The following ZNF391 variants were observed in gnomAD, a reference collection of about 807,000 sequenced individuals.
The protein encoded by ZNF391 is zinc finger protein 391.
For missense variants in ZNF391, 375 were observed against 425.5 expected (o/e 0.88, Z 1.04); for synonymous variants, 126 against 142.1 (o/e 0.89, Z 0.80).
chr6:27,381,240 A>G (rs889615355), intron 1 of ZNF391, among the ~76,000 whole-genome samples: 2 of 152,226 alleles, frequency 1.3e-5, no homozygotes, highest in Non-Finnish European at 2.9e-5. Flanking sequence ...CCCGGCGAGA[A>G]ATCGAGCGCA....
chr6:27,383,068 C>T (rs4713090), intron 1 of ZNF391, among the ~76,000 whole-genome samples: 107,006 of 151,694 alleles, frequency 0.71, 37,974 homozygotes, highest in Middle Eastern at 0.8. Flanking sequence ...TGCACCGAGC[C>T]GAGATTGTGC....
At position 27,401,251 on chromosome 6, in the gene ZNF391, A is replaced by G; in HGVS notation, c.881A>G (p.Glu294Gly). 6.2e-7 allele frequency: 1 copy of G among 1,614,158 alleles called. No individual in the cohort carries two copies. Residue 294 changes from glutamate (E) to glycine (G), a missense_variant, in exon 3 of 3, where the codon GAA (glutamate) becomes GGA (glycine). Transcript: ENST00000244576. ...KVFSRSSSLT[E>G]HQRIHSGEKP... ...TTCAGTCGAAGCTCGTCTCTTACAG[A>G]ACATCAGAGAATCCACAGTGGAGAA...
chr6:27,381,518 G>A (rs1026719621), intron 1 of ZNF391, among the ~76,000 whole-genome samples: 1 of 152,234 alleles, frequency 6.6e-6, no homozygotes, highest in Non-Finnish European at 1.5e-5. Flanking sequence ...GTGCAGCGGC[G>A]GGCTGAAGGG....
At chr6:27,387,682 A>G (rs1183000487), upstream of ZNF391, among the ~76,000 whole-genome samples, 1 of 152,198 alleles carries the variant, frequency 6.6e-6, no homozygotes, top group Non-Finnish European at 1.5e-5. Context: ...TATCTAGAAC[A>G]GGCAAATTCA....
At chr6:27,377,749 A>G (rs554799172) in intron 1 of ZNF391, among the ~76,000 whole-genome samples, 9 of 152,248 alleles carry the variant, frequency 5.9e-5, no homozygotes, top group East Asian at 1.9e-4. Context: ...CCACTGGCAC[A>G]TCCTCAACCT....
Position 27,402,459 on chromosome 6 carries a change from A to C in ZNF391, c.*1012A>C. 6.6e-6 allele frequency: 1 copy of C among 151,860 alleles called. No homozygotes were observed. Among genetic ancestry groups the C allele is most frequent in the African/African-American group, 2.4e-5 (1 of 41,320 alleles). The allele number at this position is 151,860 out of a possible 1,614,324, so 9.4% of individuals were successfully genotyped here. A position where few individuals can be genotyped will look rare whatever the true frequency, so the allele number is the denominator to read the frequency against. On this transcript the variant is annotated 3_prime_UTR_variant, in exon 3 of 3. Coordinates refer to ENST00000244576, the MANE Select transcript of ZNF391 (RefSeq NM_001076781.3). ...TTCTGTGCTGATCTACACTTTTCCTACCTCTCAGCATTTCTTTGATTGTCA... is the reference window on the plus strand; with the variant it reads ...TTCTGTGCTGATCTACACTTTTCCTCCCTCTCAGCATTTCTTTGATTGTCA...
At position 27,401,944 on chromosome 6, in the gene ZNF391, G is replaced by T. The variant is rs1761980872; in HGVS notation, c.*497G>T. On this transcript the variant is annotated 3_prime_UTR_variant, in exon 3 of 3. Transcript: ENST00000244576. ...TGCTGGCTCTAGTACCAGAAGAGAGGGATCTGGCTTCAGAGCAGGACTGAA... is the reference window on the plus strand; with the variant it reads ...TGCTGGCTCTAGTACCAGAAGAGAGTGATCTGGCTTCAGAGCAGGACTGAA... 1 of 153,148 alleles carries T rather than the reference G, an allele frequency of 6.5e-6. No individual in the cohort carries two copies. The highest frequency in any genetic ancestry group is 2.4e-5 in the African/African-American group (1 of 41,434). 9.5% of individuals were successfully genotyped at this position (153,148 alleles called of 1,614,324 possible).
intron 1 of ZNF391, among the ~76,000 whole-genome samples, chr6:27,397,755 A>G (rs1963145): frequency 0.71 from 107,964 of 151,642 alleles, 38,613 homozygotes; most frequent in Middle Eastern, 0.82. Flanking sequence ...TCACCCCCCC[A>G]AGTAGCTGGG....
chr6:27,375,892 CG>C (rs980987085), intron 1 of ZNF391, among the ~76,000 whole-genome samples: 5 of 152,070 alleles, frequency 3.3e-5, no homozygotes, highest in African/African-American at 1.2e-4. Flanking sequence ...GGGAGGGGGC[CG>C]AGCATAGGAA....
intron 1 of ZNF391, among the ~76,000 whole-genome samples, chr6:27,381,106 G>A (rs563529619): frequency 1.3e-5 from 2 of 152,230 alleles, no homozygotes; most frequent in Non-Finnish European, 2.9e-5. Context: ...ACTGGGCACC[G>A]TGGAGCAGGG....
intron 1 of ZNF391, chr6:27,390,867 G>A (rs1761692890): frequency 1.3e-5 from 2 of 152,198 alleles, no homozygotes; most frequent in Admixed American, 6.5e-5. Context: ...GAAAAGACAA[G>A]CACATGCTAG....
chr6:27,401,770 T>C lies in ZNF391; in HGVS notation c.*323T>C, dbSNP rs1339634258. On this transcript the variant is annotated 3_prime_UTR_variant, in exon 3 of 3. Transcript: ENST00000244576. ...CTAATATTCTGAAGGGCTCCAACTTTAGAGTATAAAGCTATCTGACACCTT... is the reference window on the plus strand; with the variant it reads ...CTAATATTCTGAAGGGCTCCAACTTCAGAGTATAAAGCTATCTGACACCTT... 1.0e-5 allele frequency: 2 copies of C among 195,384 alleles called. No homozygotes were observed. Among genetic ancestry groups the C allele is most frequent in the Middle Eastern group, 2.2e-3 (1 of 452 alleles). 12.1% of individuals were successfully genotyped at this position (195,384 alleles called of 1,614,324 possible). A position where few individuals can be genotyped will look rare whatever the true frequency, so the allele number is the denominator to read the frequency against.
Position 27,401,181 on chromosome 6 carries a change from C to T in ZNF391, c.811C>T (p.His271Tyr). Residue 271 changes from histidine to tyrosine, a missense_variant, in exon 3 of 3, where the codon CAC (histidine) becomes TAC (tyrosine). By Grantham distance (83) the His-to-Tyr change is moderately conservative (BLOSUM62 2). Coordinates refer to ENST00000244576, the MANE Select transcript of ZNF391 (RefSeq NM_001076781.3). ...ATCGCTTACTGAACATCAGAGAACACACACTGGGGAGAACCCCTATGAGTG... is the reference window on the plus strand; with the variant it reads ...ATCGCTTACTGAACATCAGAGAACATACACTGGGGAGAACCCCTATGAGTG... ...ISSLTEHQRT[H>Y]TGENPYECSE... 1.2e-6 allele frequency: 2 copies of T among 1,614,184 alleles called. No individual in the cohort carries two copies. Among genetic ancestry groups the T allele is most frequent in the Non-Finnish European group, 1.7e-6 (2 of 1,180,022 alleles).
At chr6:27,391,634 A>G (rs915012306) in intron 1 of ZNF391, among the ~76,000 whole-genome samples, 1 of 152,224 alleles carries the variant, frequency 6.6e-6, no homozygotes, top group Non-Finnish European at 1.5e-5. Flanking sequence ...CTACCTCTCC[A>G]TAAGATCCAT....
intron 1 of ZNF391, among the ~76,000 whole-genome samples, chr6:27,380,575 G>A (rs1269085281): frequency 1.3e-5 from 2 of 152,200 alleles, no homozygotes; most frequent in Non-Finnish European, 2.9e-5. Context: ...GCCACTGCTG[G>A]CTCGGGCAGC....
intron 1 of ZNF391, among the ~76,000 whole-genome samples, chr6:27,379,965 A>T (rs976934986): frequency 1.1e-4 from 17 of 152,240 alleles, no homozygotes; most frequent in African/African-American, 3.4e-4. Flanking sequence ...TGAAGTTCCC[A>T]ATCCAGAGAT....
upstream of ZNF391, chr6:27,388,745 C>G (rs561048220): frequency 2.8e-5 from 10 of 357,672 alleles, no homozygotes; most frequent in African/African-American, 2.0e-4. Flanking sequence ...GCTGCTGATA[C>G]GTTGCTCAGT....
At chr6:27,382,357 A>T (rs946226997) in intron 1 of ZNF391, among the ~76,000 whole-genome samples, 20 of 152,208 alleles carry the variant, frequency 1.3e-4, no homozygotes, top group Admixed American at 1.1e-3. Context: ...TCCGTCTCAA[A>T]AAATAAATAA....
rs1761391210 is a variant in ZNF391 at position 27,374,984 on chromosome 6, GGAATCAGCGA to G, written n.371_380del. ...CGTCCCGGGCTCCCCTACGCCTTTT[GGAATCAGCGA>G]CAGACGCAGGTATAAAAGAGAGCCT... On this transcript the variant is annotated non_coding_transcript_exon_variant, in exon 1 of 3. Transcript: ENST00000477999. The surrounding 1 kb of genome is among the most constrained non-coding windows in gnomAD (Gnocchi z 5.3). The G allele has an allele frequency of 1.3e-5, 2 of 152,310 alleles. No individual in the cohort carries two copies. Among genetic ancestry groups the G allele is most frequent in the African/African-American group, 2.4e-5 (1 of 41,446 alleles). The allele number at this position is 152,310 out of a possible 1,614,324, so 9.4% of individuals were successfully genotyped here. A position where few individuals can be genotyped will look rare whatever the true frequency, so the allele number is the denominator to read the frequency against.
Sources: allele counts gnomAD v4.1 joint callset (sites outside exome capture counted in the v4.1 genomes callset), GRCh38; gene constraint gnomAD v4.1.1; non-coding constraint Gnocchi (gnomAD v3.1); transcripts MANE v1.5; gene names NCBI Gene and HGNC (gene_info 2026-07-23, HGNC 2026-07-21).